PPP2R5E: variants seen among roughly 807,000 people sequenced by gnomAD.
PPP2R5E encodes protein phosphatase 2 regulatory subunit B'epsilon.
Under a neutral mutation model 65.3 loss-of-function variants are expected in PPP2R5E, and 4 were observed. The ratio of observed to expected loss-of-function variants is 0.06; its 90% CI spans 0.03 to 0.14. PPP2R5E has a LOEUF of 0.14. PPP2R5E is among the 10% of genes least tolerant of loss of function. The probability of loss-of-function intolerance (pLI) is 1.00; values close to 1 mark genes in which losing one functional copy is unlikely to be tolerated. For synonymous variants in PPP2R5E, 183 were observed against 187.4 expected (o/e 0.98, Z 0.19); for missense variants, 274 against 556.1 (o/e 0.49, Z 5.10).
intron 2 of PPP2R5E, among the ~76,000 whole-genome samples, chr14:63,469,280 G>C (rs1284804481): frequency 6.6e-6 from 1 of 152,058 alleles, no homozygotes; most frequent in African/African-American, 2.4e-5. Context: ...TACAAAAAAA[G>C]GTACAAGAAG....
At chr14:63,399,123 C>T (rs979383079) in intron 5 of PPP2R5E, among the ~76,000 whole-genome samples, 4 of 152,000 alleles carry the variant, frequency 2.6e-5, no homozygotes, top group South Asian at 2.1e-4. Flanking sequence ...CCCAAATATC[C>T]GTCAACTGAT....
chr14:63,472,915 A>G (rs1329593911), intron 2 of PPP2R5E, among the ~76,000 whole-genome samples: 3 of 152,254 alleles, frequency 2.0e-5, no homozygotes, highest in Non-Finnish European at 4.4e-5. Flanking sequence ...GAAGTGTTTT[A>G]GCGGGGGCTG....
chr14:63,421,052 C>CAAAAAAAAAAAAA lies in PPP2R5E; in HGVS notation c.456+928_456+940dup, dbSNP rs56297942. 1.9e-4 allele frequency among the ~76,000 whole-genome samples: 2 copies of CAAAAAAAAAAAAA among 10,294 alleles called. 1 individual carries two copies. Among genetic ancestry groups the CAAAAAAAAAAAAA allele is most frequent in the Non-Finnish European group, 3.0e-4 (2 of 6,748 alleles). 6.8% of individuals were successfully genotyped at this position (10,294 alleles called of 152,430 possible). A position where few individuals can be genotyped will look rare whatever the true frequency, so the allele number is the denominator to read the frequency against. ...TGGGCGACAGAGCGAGACTCCGTCT[C>CAAAAAAAAAAAAA]AAAAAAAAAAAAAAAAAAAAAAAAA... is the stretch of plus-strand genomic sequence containing the variant. On this transcript the variant is annotated intron_variant, in intron 4 of 13. Transcript: ENST00000337537.
At chr14:63,381,619 A>T (rs1884363100) in intron 13 of PPP2R5E, among the ~76,000 whole-genome samples, 1 of 152,254 alleles carries the variant, frequency 6.6e-6, no homozygotes. Context: ...TAAGTGTGCA[A>T]AAATGAATAT....
In PPP2R5E at chr14:63,509,265, T is replaced by C. The variant is rs987538793; in HGVS notation, c.157+30264A>G. Among the ~76,000 whole-genome samples the C allele has an allele frequency of 3.6e-5, 5 of 138,770 alleles. 1 individual carries two copies. The highest frequency in any genetic ancestry group is 1.5e-4 in the African/African-American group (5 of 34,120). 91.0% of individuals were successfully genotyped at this position (138,770 alleles called of 152,430 possible). ...ATAGAATTACCTTTATTTTAAAATATCCTTTTTTTTTTTTTTTTTTTTTTT... is the reference window on the plus strand; with the variant it reads ...ATAGAATTACCTTTATTTTAAAATACCCTTTTTTTTTTTTTTTTTTTTTTT... On this transcript the variant is annotated intron_variant, in intron 2 of 13. Transcript: ENST00000337537.
intron 2 of PPP2R5E, among the ~76,000 whole-genome samples, chr14:63,537,716 A>C (rs941527465): frequency 7.2e-5 from 11 of 152,170 alleles, no homozygotes; most frequent in African/African-American, 2.4e-4. Context: ...TGTTACAGAA[A>C]TAAGTCTGCA....
intron 2 of PPP2R5E, among the ~76,000 whole-genome samples, chr14:63,527,465 T>G (rs1893225951): frequency 6.6e-6 from 1 of 152,258 alleles, no homozygotes; most frequent in Non-Finnish European, 1.5e-5. Flanking sequence ...AAGACGTTAG[T>G]AAACATTTGC....
At chr14:63,440,560 C>T (rs1472843380) in intron 3 of PPP2R5E, among the ~76,000 whole-genome samples, 2 of 151,950 alleles carry the variant, frequency 1.3e-5, no homozygotes, top group African/African-American at 4.8e-5. Flanking sequence ...AGCACAGAGG[C>T]AAGACTCCAA....
At chr14:63,408,251 TA>T (rs11303338) in intron 5 of PPP2R5E, among the ~76,000 whole-genome samples, 50,243 of 152,078 alleles carry the variant, frequency 0.33, 12,560 homozygotes, top group African/African-American at 0.7. Flanking sequence ...GTGCATTCAA[TA>T]ACCTTTGTAT....
chr14:63,392,475 T>C (rs939477111), intron 8 of PPP2R5E, among the ~76,000 whole-genome samples: 2 of 152,254 alleles, frequency 1.3e-5, no homozygotes, highest in Non-Finnish European at 2.9e-5. Flanking sequence ...AAATGGCACA[T>C]GCAAACTAAA....
chr14:63,513,116 A>G (rs1457669878), intron 2 of PPP2R5E, among the ~76,000 whole-genome samples: 1 of 152,088 alleles, frequency 6.6e-6, no homozygotes, highest in Non-Finnish European at 1.5e-5. Flanking sequence ...GTTAAATGAA[A>G]CCACTCACTA....
intron 4 of PPP2R5E, among the ~76,000 whole-genome samples, chr14:63,421,052 C>CAAAAAA (rs56297942): frequency 9.7e-5 from 1 of 10,294 alleles, no homozygotes; most frequent in Non-Finnish European, 1.5e-4. Context: ...GACTCCGTCT[C>CAAAAAA]AAAAAAAAAA....
intron 2 of PPP2R5E, among the ~76,000 whole-genome samples, chr14:63,505,703 C>T (rs920411845): frequency 6.6e-6 from 1 of 152,234 alleles, no homozygotes; most frequent in African/African-American, 2.4e-5. Flanking sequence ...TCCCCTCTCA[C>T]TTGACAGAGT....
intron 2 of PPP2R5E, among the ~76,000 whole-genome samples, chr14:63,502,849 C>T (rs1031945335): frequency 7.2e-5 from 11 of 151,998 alleles, no homozygotes; most frequent in African/African-American, 2.2e-4. Context: ...ATAACTAGGC[C>T]GGGTGCAATG....
chr14:63,522,115 CG>C (rs1594967992), intron 2 of PPP2R5E, among the ~76,000 whole-genome samples: 1 of 151,484 alleles, frequency 6.6e-6, no homozygotes, highest in Non-Finnish European at 1.5e-5. Context: ...GACTGGTTTT[CG>C]TATTTTTTTG....
At chr14:63,460,483 G>C (rs1342488278) in intron 2 of PPP2R5E, among the ~76,000 whole-genome samples, 1 of 152,194 alleles carries the variant, frequency 6.6e-6, no homozygotes, top group Non-Finnish European at 1.5e-5. Flanking sequence ...GCTATGGTTA[G>C]TTATTTGTTT....
Position 63,408,137 on chromosome 14 carries a change from T to C in PPP2R5E, c.549+7003A>G, listed in dbSNP as rs184854274. 2.7e-4 allele frequency among the ~76,000 whole-genome samples: 41 copies of C among 152,344 alleles called. 3 individuals carry two copies. The highest frequency in any genetic ancestry group is 2.2e-3 in the Admixed American group (34 of 15,304). The stretch of plus-strand genomic sequence containing the variant: ...TTGAGTAGGTCTATCACATTCTTTT[T>C]ACAAACTGATGAATATTTCACTATA... On this transcript the variant is annotated intron_variant, in intron 5 of 13. Coordinates refer to ENST00000337537, the MANE Select transcript of PPP2R5E (RefSeq NM_006246.5).
intron 2 of PPP2R5E, among the ~76,000 whole-genome samples, chr14:63,531,485 G>GA (rs1555369615): frequency 0.026 from 3,071 of 119,996 alleles, 90 homozygotes; most frequent in African/African-American, 0.12. Context: ...AAATTAAAAA[G>GA]AAAAAAAAAA....
intron 5 of PPP2R5E, among the ~76,000 whole-genome samples, chr14:63,413,887 T>C (rs750899746): frequency 6.6e-6 from 1 of 152,198 alleles, no homozygotes; most frequent in African/African-American, 2.4e-5. Context: ...ACCAAAGTAC[T>C]CTAAATGTGA....
Sources: allele counts gnomAD v4.1 joint callset (sites outside exome capture counted in the v4.1 genomes callset), GRCh38; gene constraint gnomAD v4.1.1; transcripts MANE v1.5; gene names NCBI Gene and HGNC (gene_info 2026-07-23, HGNC 2026-07-21).